Variants in MGAM2 observed in about 807,000 individuals in gnomAD.
MGAM2 encodes maltase-glucoamylase 2 (putative).
Under a neutral mutation model 96.1 loss-of-function variants are expected in MGAM2, and 98 were observed. The ratio of observed to expected loss-of-function variants is 1.02; its 90% confidence interval spans 0.87 to 1.21. The LOEUF (loss-of-function observed/expected upper bound fraction) is 1.21, where lower values mean the gene tolerates loss of function less well. Among genes scored for constraint, MGAM2 ranks in the 50% most tolerant of loss-of-function variants. The pLI, the probability that MGAM2 is intolerant of heterozygous loss-of-function variation, is 0.00. For missense variants in MGAM2, 2,055 were observed against 1,182.4 expected (o/e 1.74, Z -10.82); for synonymous variants, 749 against 414.8 (o/e 1.81, Z -9.79).
intron 12 of MGAM2, among the ~76,000 whole-genome samples, chr7:142,141,602 T>C (rs2129080688): frequency 6.6e-6 from 1 of 152,226 alleles, no homozygotes; most frequent in Non-Finnish European, 1.5e-5. Flanking sequence ...TGGGTTCAAG[T>C]GATTCTCCTA....
At chr7:142,123,232 A>AC (rs1554501033) in intron 3 of MGAM2, among the ~76,000 whole-genome samples, 1 of 142,466 alleles carries the variant, frequency 7.0e-6, no homozygotes, top group Non-Finnish European at 1.5e-5. Flanking sequence ...TCATCTAGAG[A>AC]TTTTTTTTTT....
intron 3 of MGAM2, among the ~76,000 whole-genome samples, chr7:142,122,762 T>C (rs1426536961): frequency 6.6e-6 from 1 of 152,216 alleles, no homozygotes; most frequent in Non-Finnish European, 1.5e-5. Flanking sequence ...CCTTGGCATA[T>C]AGTAGGATGT....
At chr7:142,216,440 G>A (rs937135405) in intron 46 of MGAM2, among the ~76,000 whole-genome samples, 1 of 151,996 alleles carries the variant, frequency 6.6e-6, no homozygotes, top group African/African-American at 2.4e-5. Context: ...TCTTATTTCT[G>A]TGATGTTTGA....
chr7:142,187,641 C>A (rs1445035452), intron 35 of MGAM2, 109 bp from the exon 36 acceptor site: 2 of 612,516 alleles, frequency 3.3e-6, no homozygotes, highest in Non-Finnish European at 5.9e-6. Context: ...AACTAAACCA[C>A]CAGCTGAGCT....
intron 45 of MGAM2, among the ~76,000 whole-genome samples, chr7:142,204,685 T>C (rs1235036075): frequency 6.6e-6 from 1 of 152,094 alleles, no homozygotes; most frequent in African/African-American, 2.4e-5. Flanking sequence ...ACAAAATGTG[T>C]TATTAATATG....
chr7:142,183,647 C>T (rs1374518614), intron 33 of MGAM2, among the ~76,000 whole-genome samples: 1 of 152,170 alleles, frequency 6.6e-6, no homozygotes, highest in Non-Finnish European at 1.5e-5. Flanking sequence ...TTAAGAATCC[C>T]TTTGAGAATG....
chr7:142,151,165 T>C (rs1397007130), intron 15 of MGAM2, among the ~76,000 whole-genome samples: 1 of 152,166 alleles, frequency 6.6e-6, no homozygotes, highest in Non-Finnish European at 1.5e-5. Context: ...CTTAGCCTTA[T>C]CAATAGAGTG....
intron 6 of MGAM2, among the ~76,000 whole-genome samples, chr7:142,133,461 A>T (rs1051324551): frequency 1.3e-5 from 2 of 151,878 alleles, no homozygotes; most frequent in Non-Finnish European, 2.9e-5. Context: ...TGTGAATTTT[A>T]CTATCAAGCA....
intron 37 of MGAM2, among the ~76,000 whole-genome samples, chr7:142,194,709 T>TGC (rs1796976924): frequency 6.6e-6 from 1 of 151,864 alleles, no homozygotes. Context: ...TGTGTGTGTG[T>TGC]GTGTGTGTGT....
intron 33 of MGAM2, among the ~76,000 whole-genome samples, chr7:142,183,636 A>G (rs543211949): frequency 1.3e-5 from 2 of 152,330 alleles, no homozygotes; most frequent in South Asian, 2.1e-4. Context: ...ATTAACAAAC[A>G]TTAAGAATCC....
In MGAM2 at chr7:142,154,009, C is replaced by T; in HGVS notation, c.1635-9C>T. On this transcript the variant is annotated splice_polypyrimidine_tract_variant and intron_variant, in intron 15 of 47. Coordinates refer to ENST00000477922, the MANE Select transcript of MGAM2 (RefSeq NM_001293626.2). ...CACCTCACACTCCACTGGATGTATTCCTTTCCAGAGCCCTGGAGACCATCT... is the reference window on the plus strand; with the variant it reads ...CACCTCACACTCCACTGGATGTATTTCTTTCCAGAGCCCTGGAGACCATCT... 2 of 642,324 alleles carry T rather than the reference C, an allele frequency of 3.1e-6. No homozygotes were observed. The highest frequency in any genetic ancestry group is 5.8e-6 in the Non-Finnish European group (2 of 343,864). The allele number at this position is 642,324 out of a possible 1,614,324, so 39.8% of individuals were successfully genotyped here.
At chr7:142,125,849 A>C (rs1260806540) in intron 3 of MGAM2, among the ~76,000 whole-genome samples, 1 of 152,064 alleles carries the variant, frequency 6.6e-6, no homozygotes, top group Non-Finnish European at 1.5e-5. Flanking sequence ...ACAGTCCTTT[A>C]ACAGGAAAGA....
At chr7:142,131,161 C>A in intron 4 of MGAM2, 90 bp downstream of exon 4, 2 of 660,100 alleles carry the variant, frequency 3.0e-6, no homozygotes, top group South Asian at 1.6e-5. Flanking sequence ...AAAAGTCAGG[C>A]AGGCGTGGTG....
chr7:142,132,547 T>C (rs1274750710), intron 6 of MGAM2, among the ~76,000 whole-genome samples: 1 of 133,628 alleles, frequency 7.5e-6, no homozygotes, highest in African/African-American at 2.8e-5. Flanking sequence ...AAATATATAA[T>C]TTAATTATAC....
Position 142,154,792 on chromosome 7 carries a change from CA to C in MGAM2, c.1871del (p.Gln624ArgfsTer32). 1.4e-6 allele frequency: 1 copy of C among 703,546 alleles called. No individual in the cohort carries two copies. The highest frequency in any genetic ancestry group is 2.6e-6 in the Non-Finnish European group (1 of 385,112). The allele number at this position is 703,546 out of a possible 1,614,324, so 43.6% of individuals were successfully genotyped here. ...AGAGGAGCTCTGCAGAAGGTGGATGCAGCTTGGAGCATTTTATCCACTACCA... is the reference window on the plus strand; with the variant it reads ...AGAGGAGCTCTGCAGAAGGTGGATGCGCTTGGAGCATTTTATCCACTACCA... Reference protein sequence around the residue: ...VTEELCRRWMQLGAFYPLPRN... With the variant: ...VTEELCRRWMXLGAFYPLPRN... On this transcript the variant is annotated frameshift_variant, in exon 17 of 48. Transcript: ENST00000477922. LOFTEE classifies it high-confidence loss of function.
chr7:142,172,864 A>G (rs1796240502), intron 30 of MGAM2, 100 bp downstream of exon 30: 1 of 590,350 alleles, frequency 1.7e-6, no homozygotes, highest in East Asian at 2.8e-5. Context: ...TTGACTCTTG[A>G]GTGTCACTAC....
chr7:142,216,627 C>T (rs890282050), intron 46 of MGAM2, among the ~76,000 whole-genome samples: 1 of 152,148 alleles, frequency 6.6e-6, no homozygotes, highest in African/African-American at 2.4e-5. Flanking sequence ...TAACCAATTT[C>T]AAGCATCAGC....
intron 2 of MGAM2, 36 bp from the exon 3 acceptor site, chr7:142,120,266 A>G: frequency 1.4e-6 from 1 of 701,770 alleles, no homozygotes; most frequent in Non-Finnish European, 2.6e-6. Context: ...TGATTACACT[A>G]CACATTTTCA....
intron 32 of MGAM2, among the ~76,000 whole-genome samples, chr7:142,182,484 G>A (rs1003899436): frequency 1.3e-5 from 2 of 152,212 alleles, no homozygotes; most frequent in Non-Finnish European, 2.9e-5. Context: ...GCAAGATGGA[G>A]AGCCTTTGCA....
Sources: allele counts gnomAD v4.1 joint callset (sites outside exome capture counted in the v4.1 genomes callset), GRCh38; gene constraint gnomAD v4.1.1; transcripts MANE v1.5; gene names NCBI Gene and HGNC (gene_info 2026-07-23, HGNC 2026-07-21).